Variants in CIMIP6 observed in about 807,000 individuals in gnomAD.
CIMIP6 encodes the protein uncharacterized protein C2orf73.
At chr2:54,343,870 A>G in the CIMIP6 span, 1 of 1,597,560 alleles carries the variant, frequency 6.3e-7, no homozygotes, top group Non-Finnish European at 8.5e-7. Flanking sequence ...TTCTTGTGGA[A>G]TAGGTAAGGT....
the CIMIP6 span, among the ~76,000 whole-genome samples, chr2:54,355,236 C>G: frequency 6.6e-6 from 1 of 152,166 alleles, no homozygotes; most frequent in East Asian, 1.9e-4. Context: ...TAATTTACCT[C>G]TTTGAAAGCA....
chr2:54,373,477 C>T, the CIMIP6 span, among the ~76,000 whole-genome samples: 4 of 152,136 alleles, frequency 2.6e-5, no homozygotes, highest in Non-Finnish European at 4.4e-5. Flanking sequence ...GTTTGTGTGT[C>T]GCTTTTGCAA....
At chr2:54,373,547 C>T in the CIMIP6 span, among the ~76,000 whole-genome samples, 4 of 152,238 alleles carry the variant, frequency 2.6e-5, no homozygotes, top group East Asian at 3.9e-4. Context: ...GGATATAATA[C>T]GTGCCCTGCA....
At chr2:54,347,626 C>G in the CIMIP6 span, among the ~76,000 whole-genome samples, 1 of 151,984 alleles carries the variant, frequency 6.6e-6, no homozygotes. Context: ...TAAGGCAGGG[C>G]TCAGTCATTT....
the CIMIP6 span, among the ~76,000 whole-genome samples, chr2:54,370,742 G>A: frequency 6.6e-6 from 1 of 152,132 alleles, no homozygotes; most frequent in Middle Eastern, 3.2e-3. Flanking sequence ...TGGAGGGGTG[G>A]GCTGTGACCC....
the CIMIP6 span, among the ~76,000 whole-genome samples, chr2:54,335,882 TC>T: frequency 6.6e-6 from 1 of 152,186 alleles, no homozygotes; most frequent in African/African-American, 2.4e-5. Flanking sequence ...GGCGCCTTTT[TC>T]TTTGAAGCCA....
the CIMIP6 span, among the ~76,000 whole-genome samples, chr2:54,347,006 G>A: frequency 2.6e-5 from 4 of 152,302 alleles, no homozygotes; most frequent in African/African-American, 9.6e-5. Flanking sequence ...GACCAAGGAG[G>A]TAGAGACACT....
the CIMIP6 span, among the ~76,000 whole-genome samples, chr2:54,351,100 TAAG>T: frequency 1.3e-5 from 2 of 152,198 alleles, no homozygotes; most frequent in Non-Finnish European, 2.9e-5. Context: ...CTGTATAAAA[TAAG>T]AACAGCATCT....
At chr2:54,332,597 T>A in the CIMIP6 span, among the ~76,000 whole-genome samples, 1 of 152,268 alleles carries the variant, frequency 6.6e-6, no homozygotes, top group Non-Finnish European at 1.5e-5. Context: ...TTTTTATCTG[T>A]GCTTTTCTTC....
At chr2:54,359,962 T>C in the CIMIP6 span, among the ~76,000 whole-genome samples, 1 of 152,250 alleles carries the variant, frequency 6.6e-6, no homozygotes, top group African/African-American at 2.4e-5. Flanking sequence ...GAGCTGCTAC[T>C]TCTTTGACAT....
the CIMIP6 span, among the ~76,000 whole-genome samples, chr2:54,353,152 G>A: frequency 1.3e-5 from 2 of 152,154 alleles, no homozygotes; most frequent in African/African-American, 4.8e-5. Context: ...TTTCAGATGT[G>A]GAAATTGCTG....
At chr2:54,334,360 CCAGA>C in the CIMIP6 span, among the ~76,000 whole-genome samples, 860 of 152,226 alleles carry the variant, frequency 5.6e-3, 4 homozygotes, top group Non-Finnish European at 9.3e-3. Flanking sequence ...TTTAAGTTTG[CCAGA>C]CAAACTTTTA....
At chr2:54,355,695 T>G in the CIMIP6 span, among the ~76,000 whole-genome samples, 1 of 152,278 alleles carries the variant, frequency 6.6e-6, no homozygotes, top group South Asian at 2.1e-4. Flanking sequence ...TAGTTCATGA[T>G]TCTTGTTGTC....
chr2:54,336,013 C>A, the CIMIP6 span, among the ~76,000 whole-genome samples: 1 of 152,152 alleles, frequency 6.6e-6, no homozygotes, highest in Admixed American at 6.5e-5. Context: ...TCTCACAATC[C>A]TTAATCACAT....
the CIMIP6 span, among the ~76,000 whole-genome samples, chr2:54,354,765 A>G: frequency 6.6e-6 from 1 of 152,036 alleles, no homozygotes; most frequent in East Asian, 1.9e-4. Flanking sequence ...TATATTACCT[A>G]CAATTACTTT....
At chr2:54,352,166 T>A in the CIMIP6 span, among the ~76,000 whole-genome samples, 1 of 152,230 alleles carries the variant, frequency 6.6e-6, no homozygotes, top group Non-Finnish European at 1.5e-5. Flanking sequence ...CAGGTTTAAC[T>A]TTCTTTGCTT....
chr2:54,372,617 C>T, the CIMIP6 span, among the ~76,000 whole-genome samples: 1 of 152,134 alleles, frequency 6.6e-6, no homozygotes, highest in Non-Finnish European at 1.5e-5. Flanking sequence ...GAGGTCATGC[C>T]AACCAGCAGT....
the CIMIP6 span, among the ~76,000 whole-genome samples, chr2:54,370,782 G>A: frequency 9.2e-5 from 14 of 152,190 alleles, no homozygotes; most frequent in East Asian, 3.8e-4. Flanking sequence ...AGTTCCTGAC[G>A]TTCTCCTGAA....
At chr2:54,381,940 T>C in the CIMIP6 span, 1 of 1,549,962 alleles carries the variant, frequency 6.5e-7, no homozygotes, top group Non-Finnish European at 8.7e-7. Context: ...CATGTTTTTT[T>C]AGGTGGTTTC....
Sources: allele counts gnomAD v4.1 joint callset (sites outside exome capture counted in the v4.1 genomes callset), GRCh38; gene constraint gnomAD v4.1.1; transcripts MANE v1.5; gene names NCBI Gene and HGNC (gene_info 2026-07-23, HGNC 2026-07-21).